SPIRE1: variants seen among roughly 807,000 people sequenced by gnomAD.
The protein encoded by SPIRE1 is protein spire homolog 1.
SPIRE1 carries 40 observed loss-of-function variants against 94.1 expected under a neutral mutation model. The ratio of observed to expected loss-of-function variants is 0.43; its 90% CI spans 0.33 to 0.55. The LOEUF (loss-of-function observed/expected upper bound fraction) is 0.55, where lower values mean the gene tolerates loss of function less well. Ranked by LOEUF, SPIRE1 falls within the 20% of genes least tolerant of loss-of-function variation. The probability of loss-of-function intolerance (pLI) is 0.06; values close to 1 mark genes in which losing one functional copy is unlikely to be tolerated. For missense variants in SPIRE1, 838 were observed against 975.2 expected (o/e 0.86, Z 1.87); for synonymous variants, 376 against 371.7 (o/e 1.01, Z -0.13).
chr18:12,563,558 A>C (rs562963836), intron 2 of SPIRE1, among the ~76,000 whole-genome samples: 12 of 152,334 alleles, frequency 7.9e-5, no homozygotes, highest in African/African-American at 2.9e-4. Context: ...AAACAAATGC[A>C]ATCATGTTAC....
intron 2 of SPIRE1, among the ~76,000 whole-genome samples, chr18:12,625,792 C>G (rs961762514): frequency 1.3e-5 from 2 of 152,184 alleles, no homozygotes; most frequent in Non-Finnish European, 2.9e-5. Flanking sequence ...CCTGTAATCC[C>G]AGCACTTTGG....
At chr18:12,515,675 C>G (rs1164814159) in intron 4 of SPIRE1, among the ~76,000 whole-genome samples, 1 of 152,168 alleles carries the variant, frequency 6.6e-6, no homozygotes, top group Non-Finnish European at 1.5e-5. Flanking sequence ...ACTACTTAAC[C>G]CTCCTCAGGA....
At chr18:12,602,332 T>G (rs547975790) in intron 2 of SPIRE1, among the ~76,000 whole-genome samples, 1 of 152,290 alleles carries the variant, frequency 6.6e-6, no homozygotes, top group South Asian at 2.1e-4. Flanking sequence ...CACTTGAGCC[T>G]TTTGGCACAA....
chr18:12,661,467 T>C, upstream of SPIRE1: 1 of 514,350 alleles, frequency 1.9e-6, no homozygotes, highest in Non-Finnish European at 2.5e-6. Context: ...TTTCTCATTT[T>C]CAATTCAAAT....
chr18:12,450,426 C>G (rs1166717297), intron 16 of SPIRE1: 2 of 449,602 alleles, frequency 4.4e-6, no homozygotes, highest in Non-Finnish European at 7.9e-6. Context: ...ACTGCCCAGA[C>G]TATCGAACAA....
At chr18:12,584,381 G>A (rs929487934) in intron 2 of SPIRE1, among the ~76,000 whole-genome samples, 3 of 151,544 alleles carry the variant, frequency 2.0e-5, no homozygotes, top group African/African-American at 4.9e-5. Context: ...AGTGAGCAGA[G>A]ATAGTACCAC....
chr18:12,544,714 A>G (rs192432648), intron 3 of SPIRE1, among the ~76,000 whole-genome samples: 10 of 152,326 alleles, frequency 6.6e-5, no homozygotes, highest in Admixed American at 5.9e-4. Context: ...AAGTTAGGGA[A>G]CCACAGTAGC....
At chr18:12,598,488 C>T (rs2036741458) in intron 2 of SPIRE1, among the ~76,000 whole-genome samples, 1 of 151,832 alleles carries the variant, frequency 6.6e-6, no homozygotes, top group Non-Finnish European at 1.5e-5. Context: ...TGAAACTTCA[C>T]CAGACCAAAT....
intron 2 of SPIRE1, among the ~76,000 whole-genome samples, chr18:12,579,198 CAT>C (rs770948949): frequency 0.16 from 10,629 of 66,906 alleles, 514 homozygotes; most frequent in Non-Finnish European, 0.21. Flanking sequence ...CACACACACA[CAT>C]ACACACACAC....
intron 2 of SPIRE1, among the ~76,000 whole-genome samples, chr18:12,594,107 G>A (rs537059758): frequency 6.6e-6 from 1 of 152,280 alleles, no homozygotes; most frequent in Non-Finnish European, 1.5e-5. Context: ...ATAAGCCCAG[G>A]TTTTAACAAA....
chr18:12,502,703 T>C (rs1030903326), intron 6 of SPIRE1, among the ~76,000 whole-genome samples: 1 of 152,202 alleles, frequency 6.6e-6, no homozygotes, highest in Admixed American at 6.5e-5. Flanking sequence ...GTAAGATGTT[T>C]GCATTTGGAT....
chr18:12,644,345 T>C (rs9963809), intron 1 of SPIRE1, among the ~76,000 whole-genome samples: 69,328 of 151,928 alleles, frequency 0.46, 16,380 homozygotes, highest in Middle Eastern at 0.54. Context: ...GCTTATCTTA[T>C]AGGTCTCAGA....
intron 5 of SPIRE1, among the ~76,000 whole-genome samples, chr18:12,507,442 T>G (rs2033872731): frequency 6.6e-6 from 1 of 152,316 alleles, no homozygotes; most frequent in Middle Eastern, 3.4e-3. Flanking sequence ...GTCACACCTG[T>G]AATCCCAGCA....
At chr18:12,501,072 CAA>C (rs67894900) in intron 6 of SPIRE1, among the ~76,000 whole-genome samples, 29 of 80,254 alleles carry the variant, frequency 3.6e-4, no homozygotes, top group South Asian at 1.4e-3. Flanking sequence ...AACTCTGTCT[CAA>C]AAAAAAAAAA....
intron 2 of SPIRE1, among the ~76,000 whole-genome samples, chr18:12,603,434 G>A (rs1476075196): frequency 2.0e-5 from 3 of 152,048 alleles, no homozygotes; most frequent in African/African-American, 4.8e-5. Flanking sequence ...ATTAATGATT[G>A]AAGGCTGGGC....
intron 7 of SPIRE1, among the ~76,000 whole-genome samples, chr18:12,493,883 C>CT (rs1289914515): frequency 4.0e-5 from 6 of 151,516 alleles, no homozygotes; most frequent in African/African-American, 9.7e-5. Flanking sequence ...TACTACTGTT[C>CT]TTTTTTTTGT....
At chr18:12,520,900 A>C (rs539172541) in intron 4 of SPIRE1, among the ~76,000 whole-genome samples, 17 of 152,356 alleles carry the variant, frequency 1.1e-4, no homozygotes, top group Admixed American at 3.9e-4. Flanking sequence ...AGGCTATTCA[A>C]GCAGAAAATA....
At chr18:12,518,745 T>C (rs1423114228) in intron 4 of SPIRE1, among the ~76,000 whole-genome samples, 1 of 152,042 alleles carries the variant, frequency 6.6e-6, no homozygotes, top group African/African-American at 2.4e-5. Flanking sequence ...ATTACTTACA[T>C]AAAGAGTATT....
intron 4 of SPIRE1, among the ~76,000 whole-genome samples, chr18:12,528,050 C>CT (rs1281005346): frequency 1.8e-5 from 2 of 108,868 alleles, no homozygotes; most frequent in Non-Finnish European, 3.6e-5. Flanking sequence ...GAGCAAGACT[C>CT]TATCTCAAAA....
Sources: gnomAD v4.1 joint callset for allele counts (sites outside exome capture counted in the v4.1 genomes callset) on GRCh38, gnomAD v4.1.1 for gene constraint, MANE v1.5 for transcripts, NCBI Gene and HGNC (gene_info 2026-07-23, HGNC 2026-07-21) for gene names.